PRSS16: variants seen among roughly 807,000 people sequenced by gnomAD.
PRSS16 encodes thymus-specific serine protease.
A neutral mutation model predicts 61.7 loss-of-function variants in PRSS16; 43 were observed. The ratio of observed to expected loss-of-function variants is 0.70; its 90% CI spans 0.55 to 0.90. The LOEUF is 0.90. PRSS16 is among the 40% of genes least tolerant of loss of function. PRSS16 has a pLI of 0.00. For synonymous variants in PRSS16, 273 were observed against 285.2 expected, an observed-to-expected ratio of 0.96 and a Z score of 0.43; for missense variants, 591 against 659.1, an observed-to-expected ratio of 0.90 and a Z score of 1.13.
rs1581475222 is a variant in PRSS16 at position 27,251,348 on chromosome 6, A to G, written c.717+84A>G. On this transcript the variant is annotated intron_variant, in intron 7 of 11. Transcript: ENST00000230582. This position sits in a 1 kb window ranked among gnomAD's most constrained non-coding sequence, Gnocchi z 5.6. ...GGGAAGAGGAGGCCAGAGAAGGGCG[A>G]AACCTGCAACGTGGCGGGGTCTAAG... 1 of 1,475,418 alleles carries G rather than the reference A, an allele frequency of 6.8e-7. No individual in the cohort carries two copies. Among genetic ancestry groups the G allele is most frequent in the South Asian group, 1.3e-5 (1 of 75,296 alleles). The allele number at this position is 1,475,418 out of a possible 1,614,324, so 91.4% of individuals were successfully genotyped here.
At position 27,251,138 on chromosome 6, in the gene PRSS16, A is replaced by T; in HGVS notation, c.669+19A>T. ...TAATGACGTAAGGATGGCGGGCAGC[A>T]GGTGCGGGACGGGGAGGGGTCCCAG... is the stretch of plus-strand genomic sequence containing the variant. On this transcript the variant is annotated intron_variant, in intron 6 of 11. Coordinates refer to ENST00000230582, the MANE Select transcript of PRSS16 (RefSeq NM_005865.4). The surrounding 1 kb of genome is among the most constrained non-coding windows in gnomAD (Gnocchi z 5.6). 6.2e-7 allele frequency: 1 copy of T among 1,614,070 alleles called. No individual in the cohort carries two copies. Among genetic ancestry groups the T allele is most frequent in the Non-Finnish European group, 8.5e-7 (1 of 1,180,030 alleles).
In PRSS16 at chr6:27,255,807, T is replaced by C. The variant is rs1214039257; in HGVS notation, c.*492T>C. On this transcript the variant is annotated 3_prime_UTR_variant, in exon 12 of 12. Transcript: ENST00000230582. The surrounding 1 kb of genome is among the most constrained non-coding windows in gnomAD (Gnocchi z 4.4). ...ATCTCCTTCTGTTTCTCTGAATATCTTCATTTCTATCTCTGTGTTTCTGTC... is the reference window on the plus strand; with the variant it reads ...ATCTCCTTCTGTTTCTCTGAATATCCTCATTTCTATCTCTGTGTTTCTGTC... The C allele has an allele frequency of 6.4e-6, 1 of 156,694 alleles. No homozygotes were observed. Among genetic ancestry groups the C allele is most frequent in the Non-Finnish European group, 1.4e-5 (1 of 71,022 alleles). The allele number at this position is 156,694 out of a possible 1,614,324, so 9.7% of individuals were successfully genotyped here.
Position 27,255,355 on chromosome 6 carries a change from C to A in PRSS16, c.*40C>A, listed in dbSNP as rs1760009341. 1 of 1,547,536 alleles carries A rather than the reference C, an allele frequency of 6.5e-7. No homozygotes were observed. Among genetic ancestry groups the A allele is most frequent in the South Asian group, 1.2e-5 (1 of 85,690 alleles). On this transcript the variant is annotated 3_prime_UTR_variant, in exon 12 of 12. Transcript: ENST00000230582. This position sits in a 1 kb window ranked among gnomAD's most constrained non-coding sequence, Gnocchi z 4.4. The stretch of plus-strand genomic sequence containing the variant: ...CCACTCCCTGCATGGTCACCTCAGT[C>A]CTGGACATACTTGTTCACTGAACAA...
chr6:27,252,682 C>T lies in PRSS16; in HGVS notation c.1009-126C>T. The T allele has an allele frequency of 2.0e-6, 2 of 1,020,588 alleles. No individual in the cohort carries two copies. Among genetic ancestry groups the T allele is most frequent in the Non-Finnish European group, 2.9e-6 (2 of 693,212 alleles). The allele number at this position is 1,020,588 out of a possible 1,614,324, so 63.2% of individuals were successfully genotyped here. On this transcript the variant is annotated intron_variant, in intron 8 of 11. Transcript: ENST00000230582. The surrounding 1 kb of genome is among the most constrained non-coding windows in gnomAD (Gnocchi z 4.2). ...TCCACCCCCTCTGACCACTGACTCCCAGGAGAACTCAGGAACTCACCCTTC... is the reference window on the plus strand; with the variant it reads ...TCCACCCCCTCTGACCACTGACTCCTAGGAGAACTCAGGAACTCACCCTTC...
rs1328475821 is a variant in PRSS16 at position 27,255,282 on chromosome 6, G to A, written c.1512G>A (p.Leu504=). ...AGCAGCTACAGACCTGGCTCAAGCT[G>A]GCAAAGGAGAGCCAGATTAAGGGTG... ...IFQQLQTWLK[L]AKESQIKGEV The change falls in exon 12 of 12, where the codon CTG becomes CTA. Residue 504 remains leucine, a synonymous_variant. Transcript: ENST00000230582. This position sits in a 1 kb window ranked among gnomAD's most constrained non-coding sequence, Gnocchi z 4.4. The A allele has an allele frequency of 6.2e-7, 1 of 1,608,030 alleles. No homozygotes were observed. The highest frequency in any genetic ancestry group is 8.5e-7 in the Non-Finnish European group (1 of 1,176,130).
At chr6:27,253,491 G>A (rs1222798356) in intron 9 of PRSS16, 1 of 453,728 alleles carries the variant, frequency 2.2e-6, no homozygotes. Context: ...AGAGATCCTT[G>A]TAAATATAAC....
chr6:27,254,556 T>G, intron 9 of PRSS16, 137 bp from the exon 10 acceptor site: 1 of 831,854 alleles, frequency 1.2e-6, no homozygotes, highest in South Asian at 1.7e-5. Context: ...TGTGAGTCTG[T>G]CTGCCAGGAC....
intron 9 of PRSS16, chr6:27,253,848 A>T (rs1436684178): frequency 1.2e-5 from 2 of 161,398 alleles, no homozygotes; most frequent in African/African-American, 2.4e-5. Context: ...TACAGTAAGT[A>T]TTCCATAAAC....
chr6:27,255,181 C>G lies in PRSS16; in HGVS notation c.1476+50C>G. Reference sequence around the variant, plus strand: ...ATTTGCATTCTCATTTGAATAATCACTTGCATGTTCCCTCCTTCTGCTGGT... The same window carrying G: ...ATTTGCATTCTCATTTGAATAATCAGTTGCATGTTCCCTCCTTCTGCTGGT... On this transcript the variant is annotated intron_variant, in intron 11 of 11. Transcript: ENST00000230582. This position sits in a 1 kb window ranked among gnomAD's most constrained non-coding sequence, Gnocchi z 4.4. 3.1e-6 allele frequency: 5 copies of G among 1,613,972 alleles called. No homozygotes were observed. The highest frequency in any genetic ancestry group is 4.2e-6 in the Non-Finnish European group (5 of 1,179,836).
Position 27,255,500 on chromosome 6 carries a change from A to G in PRSS16, c.*185A>G. 1.7e-6 allele frequency: 1 copy of G among 597,076 alleles called. No homozygotes were observed. Among genetic ancestry groups the G allele is most frequent in the Non-Finnish European group, 3.0e-6 (1 of 338,622 alleles). The allele number at this position is 597,076 out of a possible 1,614,324, so 37.0% of individuals were successfully genotyped here. The stretch of plus-strand genomic sequence containing the variant: ...TTCCCAACTTAAAGTGCTTTATTGC[A>G]GAGAGTTATGGAAATATAAGTGGAT... On this transcript the variant is annotated 3_prime_UTR_variant, in exon 12 of 12. Transcript: ENST00000230582. The surrounding 1 kb of genome is among the most constrained non-coding windows in gnomAD (Gnocchi z 4.4).
Position 27,248,864 on chromosome 6 carries a change from C to T in PRSS16, c.255C>T (p.Asp85=). 6.2e-7 allele frequency: 1 copy of T among 1,610,304 alleles called. No individual in the cohort carries two copies. The highest frequency in any genetic ancestry group is 1.7e-5 in the Admixed American group (1 of 59,500). The part of the protein sequence containing the change: ...RSFLQRYWVN[D]QHWVGQDGPI... ...CCTCTCAGCGTTACTGGGTGAATGA[C>T]CAACATTGGGTTGGCCAGGATGGAC... The change falls in exon 3 of 12, where the codon GAC becomes GAT. Residue 85 remains aspartate (D), a synonymous_variant. Transcript: ENST00000230582.
In PRSS16 at chr6:27,250,817, T is replaced by C. The variant is rs1473779374; in HGVS notation, c.591+11T>C. On this transcript the variant is annotated intron_variant, in intron 5 of 11. Coordinates refer to ENST00000230582, the MANE Select transcript of PRSS16 (RefSeq NM_005865.4). ...TGGGCCCGGCTGAAGGTCCTGCGAC[T>C]CCTCCGGGTGGGCTGGGGGGAGGGA... The C allele has an allele frequency of 6.2e-7, 1 of 1,601,384 alleles. No individual in the cohort carries two copies. Among genetic ancestry groups the C allele is most frequent in the South Asian group, 1.1e-5 (1 of 89,350 alleles).
At chr6:27,250,526 GCTTGGAGAACA>G (rs1371312580) in intron 4 of PRSS16, among the ~76,000 whole-genome samples, 146 bp from the exon 5 acceptor site, 2 of 152,352 alleles carry the variant, frequency 1.3e-5, no homozygotes, top group Admixed American at 6.5e-5. Flanking sequence ...AGTGTATGTG[GCTTGGAGAACA>G]CTTGGAAACA....
Position 27,247,786 on chromosome 6 carries a change from C to G in PRSS16, c.49C>G (p.Leu17Val). 6.2e-7 allele frequency: 1 copy of G among 1,607,090 alleles called. No homozygotes were observed. The highest frequency in any genetic ancestry group is 8.5e-7 in the Non-Finnish European group (1 of 1,176,890). The change falls in exon 1 of 12, where the codon CTC (leucine) becomes GTC (valine). Residue 17 changes from leucine to valine, a missense_variant. Transcript: ENST00000230582. ...QWLGPLLLVS[L>V]WGLLAPASLL... Reference sequence around the variant, plus strand: ...GCTGGGCCCTCTGCTCTTGGTTTCCCTCTGGGGACTCTTGGCTCCAGGTAA... The same window carrying G: ...GCTGGGCCCTCTGCTCTTGGTTTCCGTCTGGGGACTCTTGGCTCCAGGTAA...
In PRSS16 at chr6:27,251,041, GT is replaced by G. The variant is rs765126564; in HGVS notation, c.593del (p.Phe198SerfsTer32). ...CAGGCTGACGGCGTCTCCTCCCTTA[GT>G]TCCCCCATCTCATTTTCGCGTCGGT... ...GSLAAWARLK[F>X]PHLIFASVAS... On this transcript the variant is annotated frameshift_variant and splice_region_variant, in exon 6 of 12. Coordinates refer to ENST00000230582, the MANE Select transcript of PRSS16 (RefSeq NM_005865.4). LOFTEE classifies it high-confidence loss of function. The surrounding 1 kb of genome is among the most constrained non-coding windows in gnomAD (Gnocchi z 5.6). The G allele has an allele frequency of 2.8e-5, 45 of 1,613,820 alleles. No homozygotes were observed. Among genetic ancestry groups the G allele is most frequent in the Non-Finnish European group, 3.7e-5 (44 of 1,180,044 alleles).
rs759765162 is a variant in PRSS16, at chr6:27,252,664, C to G, written c.1009-144C>G. On this transcript the variant is annotated intron_variant, in intron 8 of 11. Transcript: ENST00000230582. This position sits in a 1 kb window ranked among gnomAD's most constrained non-coding sequence, Gnocchi z 4.2. ...CTCACAAGGACCCAGGCATCCACCCCCTCTGACCACTGACTCCCAGGAGAA... is the reference window on the plus strand; with the variant it reads ...CTCACAAGGACCCAGGCATCCACCCGCTCTGACCACTGACTCCCAGGAGAA... The G allele has an allele frequency of 1.2e-6, 1 of 811,100 alleles. No individual in the cohort carries two copies. The highest frequency in any genetic ancestry group is 1.7e-5 in the South Asian group (1 of 58,102). The allele number at this position is 811,100 out of a possible 1,614,324, so 50.2% of individuals were successfully genotyped here.
Position 27,251,678 on chromosome 6 carries a change from A to T in PRSS16, c.718-72A>T. 6.6e-7 allele frequency: 1 copy of T among 1,514,438 alleles called. No homozygotes were observed. Among genetic ancestry groups the T allele is most frequent in the Non-Finnish European group, 8.8e-7 (1 of 1,142,604 alleles). The allele number at this position is 1,514,438 out of a possible 1,614,324, so 93.8% of individuals were successfully genotyped here. A position where few individuals can be genotyped will look rare whatever the true frequency, so the allele number is the denominator to read the frequency against. On this transcript the variant is annotated intron_variant, in intron 7 of 11. Transcript: ENST00000230582. The surrounding 1 kb of genome is among the most constrained non-coding windows in gnomAD (Gnocchi z 5.6). ...GGGGAAAGTGGGGAACCCAAGGAGG[A>T]CGCAGGTCCTGGGTAGGGAAAGCCG...
chr6:27,251,528 C>A lies in PRSS16; in HGVS notation c.718-222C>A. 1 of 662,594 alleles carries A rather than the reference C, an allele frequency of 1.5e-6. No homozygotes were observed. Among genetic ancestry groups the A allele is most frequent in the Non-Finnish European group, 2.3e-6 (1 of 436,036 alleles). 41.0% of individuals were successfully genotyped at this position (662,594 alleles called of 1,614,324 possible). ...TGAGGCTCAAGGTGGGGCGGGGCCACAATGGAGGACGGGGCCTGCAGGGAA... is the reference window on the plus strand; with the variant it reads ...TGAGGCTCAAGGTGGGGCGGGGCCAAAATGGAGGACGGGGCCTGCAGGGAA... On this transcript the variant is annotated intron_variant, in intron 7 of 11. Transcript: ENST00000230582. This position sits in a 1 kb window ranked among gnomAD's most constrained non-coding sequence, Gnocchi z 5.6.
At chr6:27,249,901 C>T (rs1168991670) in intron 4 of PRSS16, among the ~76,000 whole-genome samples, 1 of 152,152 alleles carries the variant, frequency 6.6e-6, no homozygotes, top group Non-Finnish European at 1.5e-5. Context: ...TGCCTCTCAC[C>T]CCAGCCTCCT....
Sources: allele counts gnomAD v4.1 joint callset (sites outside exome capture counted in the v4.1 genomes callset), GRCh38; gene constraint gnomAD v4.1.1; non-coding constraint Gnocchi (gnomAD v3.1); transcripts MANE v1.5; gene names NCBI Gene and HGNC (gene_info 2026-07-23, HGNC 2026-07-21).